Variants in BMPR2 observed in about 807,000 individuals in gnomAD.
BMPR2 encodes the protein bone morphogenetic protein receptor type 2, also known as bone morphogenetic protein receptor type-2.
A neutral mutation model predicts 100.8 loss-of-function variants in BMPR2; 29 were observed. The ratio of observed to expected loss-of-function variants is 0.29; its 90% confidence interval spans 0.21 to 0.39. The LOEUF is 0.39. BMPR2 is among the 10% of genes least tolerant of loss of function. The pLI is 1.00. For missense variants in BMPR2, 1,011 were observed against 1,274.5 expected (o/e 0.79, Z 3.15); for synonymous variants, 382 against 442.3 (o/e 0.86, Z 1.71).
At chr2:202,399,755 C>A (rs949603282) in intron 1 of BMPR2, among the ~76,000 whole-genome samples, 4 of 152,150 alleles carry the variant, frequency 2.6e-5, no homozygotes, top group Non-Finnish European at 5.9e-5. Flanking sequence ...ATTTTGGTAT[C>A]ATTGCAAGCC....
At chr2:202,458,857 G>C (rs1399902040) in intron 1 of BMPR2, among the ~76,000 whole-genome samples, 1 of 152,116 alleles carries the variant, frequency 6.6e-6, no homozygotes, top group Admixed American at 6.5e-5. Context: ...AGTTTTTATA[G>C]AGTTAGTTTG....
chr2:202,443,137 AAG>A (rs1447006303), intron 1 of BMPR2, among the ~76,000 whole-genome samples: 1 of 150,636 alleles, frequency 6.6e-6, no homozygotes, highest in Non-Finnish European at 1.5e-5. Context: ...GTAAGCCACG[AAG>A]AGAGCTCTCA....
In BMPR2 at chr2:202,513,871, C is replaced by A. The variant is rs889599516; in HGVS notation, c.529+42C>A. On this transcript the variant is annotated intron_variant, in intron 4 of 12. Transcript: ENST00000374580. ...TTTGTCCTATTGTTTATTAAACATG[C>A]AATTTAATCAATTTATTTGCTCCTT... 4.3e-6 allele frequency: 6 copies of A among 1,391,436 alleles called. No individual in the cohort carries two copies. The African/African-American group carries it at 5.7e-5, about 13-fold the overall frequency. 86.2% of individuals were successfully genotyped at this position (1,391,436 alleles called of 1,614,324 possible).
intron 1 of BMPR2, among the ~76,000 whole-genome samples, chr2:202,450,068 C>G (rs1469209824): frequency 1.3e-5 from 2 of 152,058 alleles, no homozygotes; most frequent in African/African-American, 4.8e-5. Flanking sequence ...CAAGATGGCA[C>G]CACTGCACTC....
chr2:202,394,895 T>A (rs1022322808), intron 1 of BMPR2, among the ~76,000 whole-genome samples: 2 of 151,778 alleles, frequency 1.3e-5, no homozygotes, highest in African/African-American at 4.8e-5. Context: ...TTTTTATTTT[T>A]TTTTTTTTGA....
At chr2:202,414,936 C>T (rs1174888518) in intron 1 of BMPR2, among the ~76,000 whole-genome samples, 5 of 151,894 alleles carry the variant, frequency 3.3e-5, no homozygotes, top group Admixed American at 6.6e-5. Context: ...GATGGGGTTT[C>T]GCCACATTGT....
At chr2:202,438,206 A>G (rs1691655248) in intron 1 of BMPR2, among the ~76,000 whole-genome samples, 2 of 150,364 alleles carry the variant, frequency 1.3e-5, no homozygotes, top group South Asian at 4.1e-4. Flanking sequence ...CCAGCTACTC[A>G]GGAGGCTGAG....
intron 1 of BMPR2, among the ~76,000 whole-genome samples, chr2:202,452,813 C>T (rs898353528): frequency 2.5e-4 from 38 of 152,264 alleles, no homozygotes; most frequent in Admixed American, 2.5e-3. Context: ...AGCACATTTA[C>T]AAGTAGTAAG....
rs568827002 is a variant in BMPR2, at chr2:202,441,477, G to T, written c.77-23332G>T. The stretch of plus-strand genomic sequence containing the variant: ...CCCAGCACTTTGGGAGGCCGAGGCG[G>T]GTGGATCACGAGGTCAGCAGATGGA... On this transcript the variant is annotated intron_variant, in intron 1 of 12. Coordinates refer to ENST00000374580, the MANE Select transcript of BMPR2 (RefSeq NM_001204.7). Among the ~76,000 whole-genome samples, 120 of 148,806 alleles carry T rather than the reference G, an allele frequency of 8.1e-4. 1 individual carries two copies. Among genetic ancestry groups the T allele is most frequent in the Non-Finnish European group, 1.4e-3 (93 of 67,760 alleles).
At chr2:202,484,550 G>A (rs1692732328) in intron 3 of BMPR2, among the ~76,000 whole-genome samples, 1 of 152,038 alleles carries the variant, frequency 6.6e-6, no homozygotes, top group Non-Finnish European at 1.5e-5. Flanking sequence ...GCAGGCGCCT[G>A]TAGTCCCAGC....
chr2:202,479,099 A>C (rs887608347), intron 3 of BMPR2, among the ~76,000 whole-genome samples: 1 of 152,178 alleles, frequency 6.6e-6, no homozygotes, highest in Admixed American at 6.5e-5. Context: ...AAATTAGACA[A>C]AAGTGATGGT....
intron 11 of BMPR2, 147 bp downstream of exon 11, chr2:202,553,035 C>T (rs1688509673): frequency 1.8e-6 from 2 of 1,094,616 alleles, no homozygotes; most frequent in Non-Finnish European, 2.6e-6. Context: ...TTCAATATTC[C>T]TATTCTTCTA....
rs1690172019 is a variant in BMPR2 at position 202,377,374 on chromosome 2, A to G, written c.-101A>G. 1 of 1,100,416 alleles carries G rather than the reference A, an allele frequency of 9.1e-7. No homozygotes were observed. Among genetic ancestry groups the G allele is most frequent in the African/African-American group, 1.5e-5 (1 of 64,802 alleles). 68.2% of individuals were successfully genotyped at this position (1,100,416 alleles called of 1,614,324 possible). A position where few individuals can be genotyped will look rare whatever the true frequency, so the allele number is the denominator to read the frequency against. The stretch of plus-strand genomic sequence containing the variant: ...CAAACTGTATTGTGATACGGGCAGG[A>G]TCAGTCCACGGGAGAGAAGACGAGC... On this transcript the variant is annotated 5_prime_UTR_variant, in exon 1 of 13. Transcript: ENST00000374580.
At chr2:202,388,418 A>AC (rs1553493830) in intron 1 of BMPR2, among the ~76,000 whole-genome samples, 4 of 150,466 alleles carry the variant, frequency 2.7e-5, no homozygotes, top group Admixed American at 6.7e-5. Flanking sequence ...AAAAAAAAAA[A>AC]AACATTGTTT....
At chr2:202,520,562 A>G (rs562677178) in intron 7 of BMPR2, 2 of 309,034 alleles carry the variant, frequency 6.5e-6, no homozygotes, top group Non-Finnish European at 1.2e-5. Context: ...CTGCAAGCGG[A>G]CAAGCACCAA....
intron 4 of BMPR2, 104 bp downstream of exon 4, chr2:202,513,933 T>C: frequency 1.1e-5 from 10 of 882,622 alleles, no homozygotes; most frequent in Non-Finnish European, 1.8e-5. Flanking sequence ...GTCTCAAAGT[T>C]ATGCAAAATA....
chr2:202,429,112 A>G (rs796787810), intron 1 of BMPR2, among the ~76,000 whole-genome samples: 10 of 152,302 alleles, frequency 6.6e-5, no homozygotes, highest in African/African-American at 2.4e-4. Flanking sequence ...TGCCTTTATC[A>G]GTTCTCTCCT....
At chr2:202,449,610 A>G (rs1236194535) in intron 1 of BMPR2, among the ~76,000 whole-genome samples, 2 of 152,168 alleles carry the variant, frequency 1.3e-5, no homozygotes, top group Non-Finnish European at 2.9e-5. Flanking sequence ...AAAACTTTGG[A>G]CACTGAGTCT....
At chr2:202,413,666 T>A (rs556170184) in intron 1 of BMPR2, among the ~76,000 whole-genome samples, 5 of 151,916 alleles carry the variant, frequency 3.3e-5, no homozygotes, top group Admixed American at 1.3e-4. Flanking sequence ...TTATTAATTA[T>A]ATTACTTTTT....
Sources: allele counts gnomAD v4.1 joint callset (sites outside exome capture counted in the v4.1 genomes callset), GRCh38; gene constraint gnomAD v4.1.1; transcripts MANE v1.5; gene names NCBI Gene and HGNC (gene_info 2026-07-23, HGNC 2026-07-21).